The following TTN variants were observed in gnomAD, a reference collection of about 807,000 sequenced individuals.
The protein encoded by TTN is connectin.
A neutral mutation model predicts 3,223.0 loss-of-function variants in TTN; 1,525 were observed. The observed-to-expected ratio is 0.47, with a 90% CI of 0.45 to 0.49. TTN has a LOEUF of 0.49. TTN is among the 20% of genes least tolerant of loss of function. The pLI, the probability that TTN is intolerant of heterozygous loss-of-function variation, is 0.00. For synonymous variants in TTN, 14,094 were observed against 15,161.0 expected (o/e 0.93, Z 5.17); for missense variants, 40,786 against 43,424.0 (o/e 0.94, Z 5.40).
intron 71 of TTN, 186 bp from the exon 72 acceptor site, chr2:178,724,724 T>G: frequency 1.7e-6 from 1 of 581,626 alleles, no homozygotes; most frequent in Non-Finnish European, 2.5e-6. Context: ...ATTTTAATAT[T>G]TTTTCTTTTC....
At position 178,598,849 on chromosome 2, in the gene TTN, A is replaced by G. The variant is rs1411922083; in HGVS notation, c.56861T>C (p.Ile18954Thr). Residue 18954 changes from isoleucine to threonine, a missense_variant, in exon 291 of 363, where the codon ATT becomes ACT. Coordinates refer to ENST00000589042, the MANE Select transcript of TTN (RefSeq NM_001267550.2). ...LGVSYKVTGL[I>T]EGSDYQFRVY... Reference sequence around the variant, plus strand: ...CCGGAATTGATAGTCGGAACCTTCAATAAGACCAGTCACTTTATAAGAAAC... The same window carrying G: ...CCGGAATTGATAGTCGGAACCTTCAGTAAGACCAGTCACTTTATAAGAAAC... The G allele has an allele frequency of 4.3e-6, 7 of 1,613,266 alleles. No individual in the cohort carries two copies. The highest frequency in any genetic ancestry group is 5.9e-6 in the Non-Finnish European group (7 of 1,179,538).
chr2:178,617,750 T>C, intron 253 of TTN, 29 bp downstream of exon 253: 3 of 1,608,470 alleles, frequency 1.9e-6, no homozygotes, highest in Non-Finnish European at 2.5e-6. Flanking sequence ...TTTCATGCAG[T>C]AATTATTTCC....
intron 23 of TTN, 28 bp from the exon 24 acceptor site, chr2:178,779,146 TA>T: frequency 6.2e-7 from 1 of 1,613,336 alleles, no homozygotes. Context: ...CATGTATGAA[TA>T]AAATTTACAT....
Position 178,616,540 on chromosome 2 carries a change from C to T in TTN, c.48251G>A (p.Gly16084Glu). 6.2e-7 allele frequency: 1 copy of T among 1,612,474 alleles called. No individual in the cohort carries two copies. Among genetic ancestry groups the T allele is most frequent in the Non-Finnish European group, 8.5e-7 (1 of 1,179,002 alleles). ...LTWEPPDDDG[G>E]SPLTGYVVEK... ...AACAACGTATCCAGTTAACGGACTT[C>T]CTCCATCATCATCAGGTGGTTCCCA... Residue 16084 changes from glycine (G) to glutamate (E), a missense_variant, in exon 257 of 363, where the codon GGA (glycine) becomes GAA (glutamate). Physicochemically the swap from Gly to Glu is moderately conservative, Grantham distance 98. Coordinates refer to ENST00000589042, the MANE Select transcript of TTN (RefSeq NM_001267550.2).
chr2:178,601,475 C>T lies in TTN; in HGVS notation c.55522G>A (p.Gly18508Arg), dbSNP rs1060500511. Residue 18508 changes from glycine to arginine, a missense_variant, in exon 287 of 363, where the codon GGA becomes AGA. By Grantham distance (125) the Gly-to-Arg change is moderately radical. Transcript: ENST00000589042. ...LSWKMPDDDGGDRIKGYVIEK... is the reference protein window; with the variant it reads ...LSWKMPDDDGRDRIKGYVIEK... ...ATAACATAGCCTTTGATCCTGTCTC[C>T]TCCATCGTCGTCTGGCATCTTCCAT... The T allele has an allele frequency of 6.2e-7, 1 of 1,613,048 alleles. No homozygotes were observed. Among genetic ancestry groups the T allele is most frequent in the Non-Finnish European group, 8.5e-7 (1 of 1,179,338 alleles).
At position 178,570,373 on chromosome 2, in the gene TTN, A is replaced by G; in HGVS notation, c.75759T>C (p.Thr25253=). 6.2e-7 allele frequency: 1 copy of G among 1,613,256 alleles called. No individual in the cohort carries two copies. Among genetic ancestry groups the G allele is most frequent in the Non-Finnish European group, 8.5e-7 (1 of 1,179,606 alleles). The change falls in exon 326 of 363, where the codon ACT becomes ACC. Residue 25253 remains threonine (T), a synonymous_variant. Coordinates refer to ENST00000589042, the MANE Select transcript of TTN (RefSeq NM_001267550.2). Reference sequence around the variant, plus strand: ...GAGTCTGCACATTGGCATCAACCACAGTCCAAACTAAGCGGCTGGTTTCTC... The same window carrying G: ...GAGTCTGCACATTGGCATCAACCACGGTCCAAACTAAGCGGCTGGTTTCTC... The part of the protein sequence containing the change: ...ERRETSRLVW[T]VVDANVQTLS...
Position 178,746,980 on chromosome 2 carries a change from T to G in TTN, c.11312-5059A>C, listed in dbSNP as rs1391947127. ...AGAAATGCTCATTTGGTGTACCGTC[T>G]TCCCTTTCTATTTTTGATGGATATG... On this transcript the variant is annotated intron_variant, in intron 47 of 362. Transcript: ENST00000589042. 5 of 1,613,504 alleles carry G rather than the reference T, an allele frequency of 3.1e-6. 1 individual carries two copies. Among genetic ancestry groups the G allele is most frequent in the Non-Finnish European group, 1.7e-6 (2 of 1,179,632 alleles).
rs1395298696 is a variant in TTN, at chr2:178,677,624, G to A, written c.34288C>T (p.Pro11430Ser). The part of the protein sequence containing the change: ...EVKPKVPVPA[P>S]VPEVPKKPVP... Reference sequence around the variant, plus strand: ...ATTCCAAGAAGAGCTGCTATACCTGGTGCAGGTACTGGCACCTTAGGTTTA... The same window carrying A: ...ATTCCAAGAAGAGCTGCTATACCTGATGCAGGTACTGGCACCTTAGGTTTA... The change falls in exon 146 of 363, where the codon CCA becomes TCA. Residue 11430 changes from proline to serine, a missense_variant. By Grantham distance (74) the Pro-to-Ser change is moderately conservative (BLOSUM62 -1). Transcript: ENST00000589042. 4 of 1,609,844 alleles carry A rather than the reference G, an allele frequency of 2.5e-6. No individual in the cohort carries two copies. In the Admixed American group the frequency reaches 5.0e-5, roughly 20 times the overall value.
Position 178,652,280 on chromosome 2 carries a change from T to C in TTN, c.39195A>G (p.Glu13065=), listed in dbSNP as rs1004354766. ...GGTGTCTACCTTTTGTGGGTGGCAC[T>C]TCAGGCTTTTTAGGAGGAGGCACTG... is the stretch of plus-strand genomic sequence containing the variant. ...KVPVPPPKKP[E]VPPTKVPEVP... Residue 13065 remains glutamate (E), a synonymous_variant, in exon 203 of 363, where the codon GAA becomes GAG. Coordinates refer to ENST00000589042, the MANE Select transcript of TTN (RefSeq NM_001267550.2). 14 of 1,613,594 alleles carry C rather than the reference T, an allele frequency of 8.7e-6. No individual in the cohort carries two copies. The highest frequency in any genetic ancestry group is 1.2e-5 in the Non-Finnish European group (14 of 1,179,732).
intron 116 of TTN, 29 bp downstream of exon 116, chr2:178,694,800 A>G (rs1200351643): frequency 1.3e-6 from 2 of 1,529,694 alleles, no homozygotes; most frequent in South Asian, 1.2e-5. Flanking sequence ...ACTTGTGTAC[A>G]TGGGTGCTAG....
chr2:178,623,298 C>T (rs559511433), intron 242 of TTN, among the ~76,000 whole-genome samples: 10 of 151,498 alleles, frequency 6.6e-5, no homozygotes, highest in South Asian at 2.1e-4. Flanking sequence ...GCTTTGAAGA[C>T]GTCACATATA....
Position 178,543,890 on chromosome 2 carries a change from A to G in TTN, c.96254T>C (p.Ile32085Thr). The change falls in exon 346 of 363, where the codon ATT (isoleucine) becomes ACT (threonine). Residue 32085 changes from isoleucine (I) to threonine (T), a missense_variant. Ile to Thr is a moderately conservative substitution (Grantham distance 89, BLOSUM62 -1). Transcript: ENST00000589042. ...CTTGCCAGATTGGTTTTCAGCTTCA[A>G]TTGTGTATTTTCCAGCATCGTACCG... ...VNRYDAGKYT[I>T]EAENQSGKKS... 1 of 1,613,642 alleles carries G rather than the reference A, an allele frequency of 6.2e-7. No homozygotes were observed. Among genetic ancestry groups the G allele is most frequent in the Non-Finnish European group, 8.5e-7 (1 of 1,179,696 alleles).
rs754116386 is a variant in TTN at position 178,732,179 on chromosome 2, G to A, written c.16790C>T (p.Ser5597Phe). ...ATCTGTCAGTCTTAGAACTGCAGTA[G>A]ACTCCACAAAAGACATTCTGTGTTT... Reference protein sequence around the residue: ...SSKHRMSFVESTAVLRLTDVG... With the variant: ...SSKHRMSFVEFTAVLRLTDVG... The change falls in exon 57 of 363, where the codon TCT becomes TTT. Residue 5597 changes from serine (S) to phenylalanine (F), a missense_variant. Coordinates refer to ENST00000589042, the MANE Select transcript of TTN (RefSeq NM_001267550.2). 40 of 1,613,674 alleles carry A rather than the reference G, an allele frequency of 2.5e-5. No homozygotes were observed. Among genetic ancestry groups the A allele is most frequent in the Admixed American group, 5.0e-5 (3 of 59,994 alleles).
intron 216 of TTN, 63 bp downstream of exon 216, chr2:178,646,422 A>T: frequency 8.8e-7 from 1 of 1,135,114 alleles, no homozygotes; most frequent in African/African-American, 1.6e-5. Context: ...CAACAACATA[A>T]ACCATATACA....
Position 178,565,421 on chromosome 2 carries a change from A to G in TTN, c.80711T>C (p.Ile26904Thr), listed in dbSNP as rs991499250. The change falls in exon 326 of 363, where the codon ATA (isoleucine) becomes ACA (threonine). Residue 26904 changes from isoleucine to threonine, a missense_variant. Physicochemically the swap from Ile to Thr is moderately conservative, Grantham distance 89. Transcript: ENST00000589042. ...GEDLKIEIPVIGRPRPNISWV... is the reference protein window; with the variant it reads ...GEDLKIEIPVTGRPRPNISWV... ...AGAAATGTTAGGTCTTGGTCGGCCT[A>G]TAACTGGAATTTCTATTTTAAGATC... 6.2e-7 allele frequency: 1 copy of G among 1,613,382 alleles called. No individual in the cohort carries two copies. Among genetic ancestry groups the G allele is most frequent in the Admixed American group, 1.7e-5 (1 of 59,954 alleles).
In TTN at chr2:178,756,216, A is replaced by G. The variant is rs747639608; in HGVS notation, c.11254+6T>C. ...TGAAGCAAGTCATAGCTAAAAATCA[A>G]TTAACCACCTTCTACACTTAGTACT... On this transcript the variant is annotated splice_donor_region_variant and intron_variant, in intron 46 of 362. Coordinates refer to ENST00000589042, the MANE Select transcript of TTN (RefSeq NM_001267550.2). 1.6e-5 allele frequency: 26 copies of G among 1,587,410 alleles called. No homozygotes were observed. The Admixed American group carries it at 4.3e-4, about 26-fold the overall frequency.
rs867579263 is a variant in TTN, at chr2:178,714,516, A to C, written c.26258T>G (p.Val8753Gly). ...GCCTTCAATGGTAGTCTGCAGCTGA[A>C]CTTCTTTACCAACGACAGTAGATAT... is the stretch of plus-strand genomic sequence containing the variant. ...SDISTVVGKEVQLQTTIEGAE... is the reference protein window; with the variant it reads ...SDISTVVGKEGQLQTTIEGAE... Residue 8753 changes from valine to glycine, a missense_variant, in exon 91 of 363, where the codon GTT becomes GGT. Coordinates refer to ENST00000589042, the MANE Select transcript of TTN (RefSeq NM_001267550.2). 5.0e-6 allele frequency: 8 copies of C among 1,613,106 alleles called. No homozygotes were observed. Among genetic ancestry groups the C allele is most frequent in the Middle Eastern group, 1.7e-4 (1 of 6,054 alleles).
intron 120 of TTN, 31 bp downstream of exon 120, chr2:178,692,466 A>C (rs373160487): frequency 2.0e-6 from 3 of 1,536,382 alleles, no homozygotes; most frequent in African/African-American, 2.7e-5. Flanking sequence ...ATGGATGCTA[A>C]GAATTATTTT....
chr2:178,715,663 T>C lies in TTN; in HGVS notation c.25751A>G (p.Tyr8584Cys), dbSNP rs1440957407. The C allele has an allele frequency of 1.2e-6, 2 of 1,613,092 alleles. No individual in the cohort carries two copies. The highest frequency in any genetic ancestry group is 1.7e-6 in the Non-Finnish European group (2 of 1,179,488). Residue 8584 changes from tyrosine to cysteine, a missense_variant, in exon 89 of 363, where the codon TAT (tyrosine) becomes TGT (cysteine). By Grantham distance (194) the Tyr-to-Cys change is radical. Coordinates refer to ENST00000589042, the MANE Select transcript of TTN (RefSeq NM_001267550.2). The part of the protein sequence containing the change: ...GGSPEIKVLW[Y>C]KDETEIQESS... ...CTCTTGAATTTCAGTCTCGTCCTTA[T>C]ACCATAAAACTTTGATTTCTGGAGA... is the stretch of plus-strand genomic sequence containing the variant.
Sources: gnomAD v4.1 joint callset for allele counts (sites outside exome capture counted in the v4.1 genomes callset) on GRCh38, gnomAD v4.1.1 for gene constraint, MANE v1.5 for transcripts, NCBI Gene and HGNC (gene_info 2026-07-23, HGNC 2026-07-21) for gene names.